The following CPZ variants were observed in gnomAD, a reference collection of about 807,000 sequenced individuals.
CPZ encodes VEZT/CPZ fusion.
Under a neutral mutation model 61.8 loss-of-function variants are expected in CPZ, and 103 were observed. That is an observed-to-expected ratio of 1.67 (90% CI 1.42 to 1.96). CPZ has a LOEUF of 1.96. CPZ is among the 30% of genes most tolerant of loss of function. CPZ has a pLI of 0.00. For synonymous variants in CPZ, 551 were observed against 373.7 expected (o/e 1.47, Z -5.47); for missense variants, 1,461 against 914.9 (o/e 1.60, Z -7.70).
In CPZ at chr4:8,601,453, CGA is replaced by C. The variant is rs1560291446; in HGVS notation, c.458_459del (p.Glu153GlyfsTer6). 2.0e-6 allele frequency: 3 copies of C among 1,528,816 alleles called. No individual in the cohort carries two copies. Among genetic ancestry groups the C allele is most frequent in the South Asian group, 1.2e-5 (1 of 80,410 alleles). 94.7% of individuals were successfully genotyped at this position (1,528,816 alleles called of 1,614,324 possible). A position where few individuals can be genotyped will look rare whatever the true frequency, so the allele number is the denominator to read the frequency against. ...TTCCTTGACTGCCACCGCTACTTCACGAGAGAGGACGAGGGCTGCTATGACCC... is the reference window on the plus strand; with the variant it reads ...TTCCTTGACTGCCACCGCTACTTCACGAGAGGACGAGGGCTGCTATGACCC... On this transcript the variant is annotated frameshift_variant, in exon 3 of 11. Transcript: ENST00000360986. LOFTEE classifies it high-confidence loss of function.
Position 8,614,386 on chromosome 4 carries a change from C to G in CPZ, c.1391C>G (p.Thr464Ser). ...GGMSDFNYLH[T>S]NCFEITVELG... ...ATGTCCGATTTCAACTACCTGCACA[C>G]CAACTGCTTTGAGATCACGGTAGAG... The change falls in exon 9 of 11, where the codon ACC becomes AGC. Residue 464 changes from threonine (T) to serine (S), a missense_variant. Physicochemically the swap from Thr to Ser is moderately conservative, Grantham distance 58. Transcript: ENST00000360986. The G allele has an allele frequency of 6.2e-7, 1 of 1,613,868 alleles. No homozygotes were observed. Among genetic ancestry groups the G allele is most frequent in the Non-Finnish European group, 8.5e-7 (1 of 1,179,874 alleles).
chr4:8,606,464 T>C (rs1012211744), intron 5 of CPZ, among the ~76,000 whole-genome samples: 1 of 151,800 alleles, frequency 6.6e-6, no homozygotes, highest in South Asian at 2.1e-4. Context: ...TCAGGGTAGC[T>C]CTCGGGGAGG....
intron 2 of CPZ, 130 bp from the exon 3 acceptor site, chr4:8,600,993 T>TC: frequency 7.0e-7 from 1 of 1,421,484 alleles, no homozygotes; most frequent in Non-Finnish European, 9.2e-7. Context: ...GTCCTGGTCC[T>TC]CCCCTGCCAG....
In CPZ at chr4:8,606,013, G is replaced by A. The variant is rs1218495146; in HGVS notation, c.734G>A (p.Gly245Asp). The A allele has an allele frequency of 1.2e-6, 2 of 1,613,820 alleles. No homozygotes were observed. Among genetic ancestry groups the A allele is most frequent in the South Asian group, 1.1e-5 (1 of 91,070 alleles). The change falls in exon 5 of 11, where the codon GGC (glycine) becomes GAC (aspartate). Residue 245 changes from glycine to aspartate, a missense_variant. Physicochemically the swap from Gly to Asp is moderately conservative, Grantham distance 94. Transcript: ENST00000360986. ...ELMEPEVKLI[G>D]NIHGNEVAGR... ...GTGGAGCCCGAGGTGAAGCTCATCG[G>A]CAACATTCATGGCAACGAGGTGGCG...
chr4:8,606,702 G>T, intron 5 of CPZ, 35 bp from the exon 6 acceptor site: 1 of 1,612,310 alleles, frequency 6.2e-7, no homozygotes, highest in Non-Finnish European at 8.5e-7. Context: ...GGGGTGTGCT[G>T]ACCCCACCCA....
intron 7 of CPZ, among the ~76,000 whole-genome samples, chr4:8,609,187 T>TAC: frequency 9.0e-6 from 1 of 110,566 alleles, no homozygotes; most frequent in East Asian, 2.6e-4. Flanking sequence ...CACTCAGGCA[T>TAC]TCACTCACTC....
chr4:8,605,988 G>T lies in CPZ; in HGVS notation c.710-1G>T. On this transcript the variant is annotated splice_acceptor_variant, in intron 4 of 10. Transcript: ENST00000360986. LOFTEE classifies it high-confidence loss of function. ...CCCCAAGTCTCTGTATTTGCCCCCAGTGGAGCCCGAGGTGAAGCTCATCGG... is the reference window on the plus strand; with the variant it reads ...CCCCAAGTCTCTGTATTTGCCCCCATTGGAGCCCGAGGTGAAGCTCATCGG... 6.2e-7 allele frequency: 1 copy of T among 1,611,710 alleles called. No homozygotes were observed. Among genetic ancestry groups the T allele is most frequent in the Non-Finnish European group, 8.5e-7 (1 of 1,177,904 alleles).
In CPZ at chr4:8,619,321, GC is replaced by G. The variant is rs1560306788; in HGVS notation, c.1667del (p.Pro556LeufsTer16). The G allele has an allele frequency of 6.2e-7, 1 of 1,614,058 alleles. No homozygotes were observed. Among genetic ancestry groups the G allele is most frequent in the Non-Finnish European group, 8.5e-7 (1 of 1,179,966 alleles). On this transcript the variant is annotated frameshift_variant, in exon 11 of 11. Coordinates refer to ENST00000360986, the MANE Select transcript of CPZ (RefSeq NM_001014447.3). LOFTEE classifies it low-confidence loss of function (END_TRUNC). ...PPGIHIVIAQAPGYAKVIKKV... is the reference protein window; with the variant it reads ...PPGIHIVIAQXPGYAKVIKKV... ...AGGTATCCACATTGTCATTGCCCAA[GC>G]CCCTGGCTACGCCAAAGTCATCAAG...
intron 6 of CPZ, among the ~76,000 whole-genome samples, 167 bp downstream of exon 6, chr4:8,607,065 G>A (rs1189097923): frequency 1.3e-5 from 2 of 152,186 alleles, no homozygotes; most frequent in East Asian, 1.9e-4. Context: ...CTGGGGTGTT[G>A]GTGAGATTCA....
intron 8 of CPZ, among the ~76,000 whole-genome samples, chr4:8,613,942 G>T (rs1272415632): frequency 1.3e-5 from 2 of 152,226 alleles, no homozygotes; most frequent in Non-Finnish European, 2.9e-5. Flanking sequence ...GCTGCCCCGT[G>T]CTGTGGGCTT....
At chr4:8,599,736 C>G in intron 2 of CPZ, 1 of 809,382 alleles carries the variant, frequency 1.2e-6, no homozygotes, top group Non-Finnish European at 1.8e-6. Flanking sequence ...GAGATGTCCT[C>G]TCCATCCCTC....
chr4:8,593,796 G>A (rs73213354), intron 1 of CPZ, among the ~76,000 whole-genome samples: 2 of 152,152 alleles, frequency 1.3e-5, no homozygotes, highest in Admixed American at 6.5e-5. Flanking sequence ...GCGCTGTGTC[G>A]ACACTTTTCC....
At chr4:8,596,314 T>C (rs113780070) in intron 1 of CPZ, among the ~76,000 whole-genome samples, 2,324 of 152,322 alleles carry the variant, frequency 0.015, 37 homozygotes, top group Non-Finnish European at 0.024. Context: ...CCTCCCAAAG[T>C]GCTGGGATTA....
At chr4:8,610,994 T>TTTCACTCA (rs771311199) in intron 7 of CPZ, among the ~76,000 whole-genome samples, 5 of 146,926 alleles carry the variant, frequency 3.4e-5, no homozygotes, top group Non-Finnish European at 6.0e-5. Context: ...TCACTCACTC[T>TTTCACTCA]TTCACTCATT....
rs1246006709 is a variant in CPZ at position 8,604,099 on chromosome 4, T to C, written c.620T>C (p.Val207Ala). Residue 207 changes from valine (V) to alanine (A), a missense_variant, in exon 4 of 11, where the codon GTG becomes GCG. Transcript: ENST00000360986. Reference protein sequence around the residue: ...LRRTASRCAHVARTYSIGRSF... With the variant: ...LRRTASRCAHAARTYSIGRSF... ...CGGACGGCCTCCCGCTGCGCCCACG[T>C]GGCCAGGACCTACAGCATCGGGCGC... 1.2e-6 allele frequency: 2 copies of C among 1,607,570 alleles called. No individual in the cohort carries two copies. The highest frequency in any genetic ancestry group is 2.7e-5 in the African/African-American group (2 of 74,770).
At position 8,606,030 on chromosome 4, in the gene CPZ, G is replaced by C. The variant is rs202092274; in HGVS notation, c.751G>C (p.Glu251Gln). 1.9e-6 allele frequency: 3 copies of C among 1,614,104 alleles called. No homozygotes were observed. The East Asian group carries it at 6.7e-5, about 36-fold the overall frequency. ...VKLIGNIHGN[E>Q]VAGREMLIYL... ...GCTCATCGGCAACATTCATGGCAAC[G>C]AGGTGGCGGGCCGGGAGATGCTCAT... Residue 251 changes from glutamate to glutamine, a missense_variant, in exon 5 of 11, where the codon GAG (glutamate) becomes CAG (glutamine). Transcript: ENST00000360986.
At position 8,604,152 on chromosome 4, in the gene CPZ, A is replaced by T. The variant is rs765578448; in HGVS notation, c.673A>T (p.Ile225Phe). Residue 225 changes from isoleucine to phenylalanine, a missense_variant, in exon 4 of 11, where the codon ATC (isoleucine) becomes TTC (phenylalanine). Ile to Phe is a conservative substitution (Grantham distance 21). Transcript: ENST00000360986. ...CTTCGACGGCAGGGAGCTGCTGGTC[A>T]TCGAGTTCTCCAGCCGCCCCGGCCA... ...RSFDGRELLVIEFSSRPGQHE... is the reference protein window; with the variant it reads ...RSFDGRELLVFEFSSRPGQHE... 20 of 1,582,264 alleles carry T rather than the reference A, an allele frequency of 1.3e-5. No homozygotes were observed. The highest frequency in any genetic ancestry group is 1.6e-5 in the Non-Finnish European group (19 of 1,163,600).
rs1714954892 is a variant in CPZ at position 8,605,937 on chromosome 4, T to TG, written c.710-48dup. On this transcript the variant is annotated intron_variant, in intron 4 of 10. Coordinates refer to ENST00000360986, the MANE Select transcript of CPZ (RefSeq NM_001014447.3). ...GCTGAGTGGGGGGGCCTCATGCCTT[T>TG]GGGGACCCCCGGCTTTGAGATGATG... 2 of 1,574,532 alleles carry TG rather than the reference T, an allele frequency of 1.3e-6. 1 individual carries two copies. Among genetic ancestry groups the TG allele is most frequent in the East Asian group, 4.5e-5 (2 of 44,330 alleles).
At chr4:8,614,200 T>A (rs1715958467) in intron 8 of CPZ, among the ~76,000 whole-genome samples, 159 bp from the exon 9 acceptor site, 1 of 151,960 alleles carries the variant, frequency 6.6e-6, no homozygotes, top group Non-Finnish European at 1.5e-5. Context: ...TGCACTCACC[T>A]GCCTGCTGGG....
Sources: allele counts gnomAD v4.1 joint callset (sites outside exome capture counted in the v4.1 genomes callset), GRCh38; gene constraint gnomAD v4.1.1; transcripts MANE v1.5; gene names NCBI Gene and HGNC (gene_info 2026-07-23, HGNC 2026-07-21).